URGCP: variants seen among roughly 807,000 people sequenced by gnomAD.
URGCP encodes the protein up-regulator of cell proliferation.
URGCP carries 13 observed loss-of-function variants against 24.6 expected under a neutral mutation model. The ratio of observed to expected loss-of-function variants is 0.53; its 90% CI spans 0.34 to 0.84. URGCP has a LOEUF of 0.84. URGCP is among the 40% of genes least tolerant of loss of function. The pLI, the probability that URGCP is intolerant of heterozygous loss-of-function variation, is 0.01. For missense variants in URGCP, 899 were observed against 1,194.3 expected, an observed-to-expected ratio of 0.75 and a Z score of 3.64; for synonymous variants, 444 against 487.2, an observed-to-expected ratio of 0.91 and a Z score of 1.17.
intron 5 of URGCP, chr7:43,881,306 C>A (rs772126265): frequency 1.5e-6 from 1 of 687,730 alleles, no homozygotes; most frequent in South Asian, 1.5e-5. Flanking sequence ...CCAGATAAAT[C>A]GTTTCCAAAC....
At chr7:43,882,607 C>CAAA (rs535393777) in intron 3 of URGCP, among the ~76,000 whole-genome samples, 10 of 133,906 alleles carry the variant, frequency 7.5e-5, no homozygotes, top group African/African-American at 2.8e-4. Flanking sequence ...GACCCTGTCT[C>CAAA]AAAAAAAAAA....
rs777645810 is a variant in URGCP, at chr7:43,878,741, G to A, written c.722C>T (p.Ser241Phe). The A allele has an allele frequency of 1.2e-6, 2 of 1,614,118 alleles. No homozygotes were observed. The highest frequency in any genetic ancestry group is 2.2e-5 in the East Asian group (1 of 44,876). ...GCTCCCCATGCCCCTTGGGGGCTGGGACCACCATGTCCTCACAATGCCCCG... is the reference window on the plus strand; with the variant it reads ...GCTCCCCATGCCCCTTGGGGGCTGGAACCACCATGTCCTCACAATGCCCCG... ...AMRGIVRTWW[S>F]QPPRGMGSFR... is the part of the protein sequence containing the mutation. Residue 241 changes from serine to phenylalanine, a missense_variant, in exon 6 of 6, where the codon TCC (serine) becomes TTC (phenylalanine). By Grantham distance (155) the Ser-to-Phe change is radical. Coordinates refer to ENST00000453200, the MANE Select transcript of URGCP (RefSeq NM_001077663.3). This position sits in a 1 kb window ranked among gnomAD's most constrained non-coding sequence, Gnocchi z 5.6.
chr7:43,877,942 C>T lies in URGCP; in HGVS notation c.1521G>A (p.Val507=). Residue 507 remains valine (V), a synonymous_variant, in exon 6 of 6, where the codon GTG becomes GTA. Coordinates refer to ENST00000453200, the MANE Select transcript of URGCP (RefSeq NM_001077663.3). ...QGDPWRKAAQ[V]EKEFCQLQWA... is the part of the protein sequence containing the mutation. ...ACTGGAGCTGGCAGAACTCCTTCTC[C>T]ACTTGGGCTGCCTTTCTCCAGGGGT... 1 of 1,614,166 alleles carries T rather than the reference C, an allele frequency of 6.2e-7. No individual in the cohort carries two copies. The highest frequency in any genetic ancestry group is 8.5e-7 in the Non-Finnish European group (1 of 1,180,046).
chr7:43,878,514 A>T lies in URGCP; in HGVS notation c.949T>A (p.Phe317Ile). 1 of 1,614,168 alleles carries T rather than the reference A, an allele frequency of 6.2e-7. No homozygotes were observed. Among genetic ancestry groups the T allele is most frequent in the African/African-American group, 1.3e-5 (1 of 75,030 alleles). The part of the protein sequence containing the change: ...ISDGLVEISW[F>I]FPSGREDLDI... ...AAGTCCTCCCTTCCGCTGGGAAAAA[A>T]CCAGGAAATTTCTACCAACCCATCC... Residue 317 changes from phenylalanine to isoleucine, a missense_variant, in exon 6 of 6, where the codon TTT becomes ATT. Physicochemically the swap from Phe to Ile is conservative, Grantham distance 21. Coordinates refer to ENST00000453200, the MANE Select transcript of URGCP (RefSeq NM_001077663.3). This position sits in a 1 kb window ranked among gnomAD's most constrained non-coding sequence, Gnocchi z 5.6.
intron 1 of URGCP, chr7:43,918,557 A>C (rs2095918302): frequency 5.5e-6 from 2 of 365,216 alleles, no homozygotes; most frequent in Admixed American, 3.9e-5. Flanking sequence ...CTAGGATTAC[A>C]GACATGAGTC....
At position 43,891,935 on chromosome 7, in the gene URGCP, C is replaced by T. The variant is rs185073752; in HGVS notation, c.15-4119G>A. On this transcript the variant is annotated intron_variant, in intron 1 of 5. Transcript: ENST00000453200. ...TAGCTGAGATTACAGCCATGTGCCA[C>T]CATGCCCAGCTAATTTTTGTATTTT... Among the ~76,000 whole-genome samples the T allele has an allele frequency of 2.4e-3, 367 of 152,250 alleles. 2 individuals carry two copies. The highest frequency in any genetic ancestry group is 8.3e-3 in the African/African-American group (343 of 41,536).
chr7:43,910,821 A>AC (rs1453489135), upstream of URGCP: 7 of 152,062 alleles, frequency 4.6e-5, no homozygotes, highest in African/African-American at 1.4e-4. Context: ...TCACCACTGC[A>AC]CTCCAGCCTG....
chr7:43,881,639 A>T lies in URGCP; in HGVS notation c.202+20T>A. On this transcript the variant is annotated intron_variant, in intron 5 of 5. Transcript: ENST00000453200. The stretch of plus-strand genomic sequence containing the variant: ...ACCCCCTTTCATAGAACAGAGAGAA[A>T]AGGCAGAGAAAATGCTTACCTGTTG... The T allele has an allele frequency of 6.2e-7, 1 of 1,614,082 alleles. No individual in the cohort carries two copies. The highest frequency in any genetic ancestry group is 8.5e-7 in the Non-Finnish European group (1 of 1,180,022).
chr7:43,897,614 A>T (rs1414725041), intron 1 of URGCP, among the ~76,000 whole-genome samples: 4 of 151,706 alleles, frequency 2.6e-5, no homozygotes, highest in African/African-American at 4.8e-5. Flanking sequence ...AAGATTTTTT[A>T]AAAAAAGGTT....
At chr7:43,926,415 C>G (rs982114116), upstream of URGCP, 16 of 927,464 alleles carry the variant, frequency 1.7e-5, no homozygotes, top group Non-Finnish European at 2.1e-5. Context: ...CCACAGTGCC[C>G]CGCGCGCGCA....
At chr7:43,914,891 T>G (rs995387749) in intron 1 of URGCP, among the ~76,000 whole-genome samples, 3 of 152,228 alleles carry the variant, frequency 2.0e-5, no homozygotes, top group African/African-American at 7.2e-5. Context: ...CACAGGGTAC[T>G]TCCCTAAACA....
intron 1 of URGCP, chr7:43,906,043 G>A (rs1223754721): frequency 1.3e-5 from 2 of 152,328 alleles, no homozygotes; most frequent in East Asian, 1.9e-4. Context: ...TGTCAGCAAA[G>A]GGTCTGCATC....
Position 43,877,584 on chromosome 7 carries a change from C to T in URGCP, c.1879G>A (p.Glu627Lys). The change falls in exon 6 of 6, where the codon GAG (glutamate) becomes AAG (lysine). Residue 627 changes from glutamate to lysine, a missense_variant. Physicochemically the swap from Glu to Lys is moderately conservative, Grantham distance 56 (BLOSUM62 1). Transcript: ENST00000453200. The stretch of plus-strand genomic sequence containing the variant: ...CTCCCTGCCTCCACAAGACAGCTCT[C>T]AGCCTCATAAAACTGTCCCATCTCC... ...LREMGQFYEA[E>K]SCLVEAGRLP... 1.2e-6 allele frequency: 2 copies of T among 1,614,172 alleles called. No homozygotes were observed. The highest frequency in any genetic ancestry group is 1.7e-6 in the Non-Finnish European group (2 of 1,180,042).
Position 43,897,655 on chromosome 7 carries a change from G to T in URGCP, c.14+8907C>A, listed in dbSNP as rs140421727. Among the ~76,000 whole-genome samples, 230 of 152,306 alleles carry T rather than the reference G, an allele frequency of 1.5e-3. 4 individuals carry two copies. In the South Asian group the frequency reaches 0.022, roughly 15 times the overall value. ...TGTTCTTATTCTAGAGGATGGGGTA[G>T]CCATGAAAGGGCCCTGGGTGCAGGG... On this transcript the variant is annotated intron_variant, in intron 1 of 5. Coordinates refer to ENST00000453200, the MANE Select transcript of URGCP (RefSeq NM_001077663.3).
intron 1 of URGCP, among the ~76,000 whole-genome samples, chr7:43,902,425 CTG>C (rs1002993263): frequency 3.9e-5 from 6 of 152,202 alleles, no homozygotes; most frequent in African/African-American, 1.4e-4. Context: ...TCCACCCATT[CTG>C]TGTCCGAGCT....
chr7:43,882,263 C>A (rs1303263117), intron 3 of URGCP, among the ~76,000 whole-genome samples: 11 of 152,082 alleles, frequency 7.2e-5, no homozygotes, highest in Admixed American at 7.2e-4. Context: ...GCCAACATGG[C>A]GAAAAACCAT....
rs750177139 is a variant in URGCP at position 43,878,893 on chromosome 7, C to T, written c.570G>A (p.Leu190=). ...PVNPLDLLCA[L]LLSSDSFLQQ... ...GCAGGAAACTGTCTGAGGAGAGCAG[C>T]AGGGCACAGAGAAGGTCTAAGGGGT... The change falls in exon 6 of 6, where the codon CTG becomes CTA. Residue 190 remains leucine, a synonymous_variant. Coordinates refer to ENST00000453200, the MANE Select transcript of URGCP (RefSeq NM_001077663.3). The surrounding 1 kb of genome is among the most constrained non-coding windows in gnomAD (Gnocchi z 5.6). The T allele has an allele frequency of 1.2e-6, 2 of 1,614,206 alleles. No individual in the cohort carries two copies. The highest frequency in any genetic ancestry group is 1.7e-6 in the Non-Finnish European group (2 of 1,180,034).
chr7:43,898,268 A>C (rs147281122), intron 1 of URGCP, among the ~76,000 whole-genome samples: 1 of 152,324 alleles, frequency 6.6e-6, no homozygotes, highest in Non-Finnish European at 1.5e-5. Flanking sequence ...ATCATAAACA[A>C]TGAGAGAATT....
In URGCP at chr7:43,878,257, A is replaced by T; in HGVS notation, c.1206T>A (p.Asn402Lys). The change falls in exon 6 of 6, where the codon AAT becomes AAA. Residue 402 changes from asparagine (N) to lysine (K), a missense_variant. Physicochemically the swap from Asn to Lys is moderately conservative, Grantham distance 94 (BLOSUM62 0). Transcript: ENST00000453200. This position sits in a 1 kb window ranked among gnomAD's most constrained non-coding sequence, Gnocchi z 5.6. ...GKRNTNLRFLNKLIPVLKIDH... is the reference protein window; with the variant it reads ...GKRNTNLRFLKKLIPVLKIDH... ...CTATTTTCAGCACAGGAATTAACTTATTCAGAAATCTCAGGTTTGTGTTGC... is the reference window on the plus strand; with the variant it reads ...CTATTTTCAGCACAGGAATTAACTTTTTCAGAAATCTCAGGTTTGTGTTGC... The T allele has an allele frequency of 6.2e-7, 1 of 1,614,236 alleles. No homozygotes were observed. Among genetic ancestry groups the T allele is most frequent in the Non-Finnish European group, 8.5e-7 (1 of 1,180,044 alleles).
Sources: gnomAD v4.1 joint callset for allele counts (sites outside exome capture counted in the v4.1 genomes callset) on GRCh38, gnomAD v4.1.1 for gene constraint, Gnocchi (gnomAD v3.1) non-coding constraint, MANE v1.5 for transcripts, NCBI Gene and HGNC (gene_info 2026-07-23, HGNC 2026-07-21) for gene names.